Variants in PCDHGB2 observed in about 807,000 individuals in gnomAD.
PCDHGB2 encodes protocadherin gamma-B2.
PCDHGB2 carries 55 observed loss-of-function variants against 59.3 expected under a neutral mutation model. The observed-to-expected ratio is 0.93, with a 90% CI of 0.75 to 1.16. The LOEUF (loss-of-function observed/expected upper bound fraction) is 1.16. Ranked by LOEUF, PCDHGB2 falls within the 50% of genes most tolerant of loss-of-function variation. The pLI is 0.00. For synonymous variants in PCDHGB2, 516 were observed against 512.0 expected (o/e 1.01, Z -0.11); for missense variants, 1,228 against 1,198.5 (o/e 1.02, Z -0.36).
intron 1 of PCDHGB2, chr5:141,394,255 G>A (rs1321065161): frequency 6.2e-7 from 1 of 1,613,934 alleles, no homozygotes; most frequent in South Asian, 1.1e-5. Flanking sequence ...GACCCCGACA[G>A]CCAGGAGAAT....
intron 1 of PCDHGB2, chr5:141,372,265 G>C: frequency 1.5e-5 from 25 of 1,613,132 alleles, no homozygotes; most frequent in Non-Finnish European, 2.1e-5. Flanking sequence ...CTGCGCACGG[G>C]TGAGGTGCGC....
chr5:141,471,444 A>T (rs1366430114), intron 1 of PCDHGB2: 1 of 152,150 alleles, frequency 6.6e-6, no homozygotes, highest in Non-Finnish European at 1.5e-5. Flanking sequence ...AATCTCATGT[A>T]CCTTTTGAAA....
At chr5:141,391,788 G>GT (rs1373420883) in intron 1 of PCDHGB2, 2 of 152,132 alleles carry the variant, frequency 1.3e-5, no homozygotes, top group African/African-American at 2.4e-5. Flanking sequence ...ACTTTTTGCA[G>GT]TTTTTTAGAT....
chr5:141,489,165 G>T lies in PCDHGB2; in HGVS notation c.2422-5642G>T. ...GAAGGAGACATAAGAGACTTCAGCT[G>T]CTGCATTCCAAGCCCTGGGTCTACC... On this transcript the variant is annotated intron_variant, in intron 1 of 3. Coordinates refer to ENST00000522605, the MANE Select transcript of PCDHGB2 (RefSeq NM_018923.3). This position sits in a 1 kb window ranked among gnomAD's most constrained non-coding sequence, Gnocchi z 4.5. 9.2e-7 allele frequency: 1 copy of T among 1,082,084 alleles called. No homozygotes were observed. Among genetic ancestry groups the T allele is most frequent in the Non-Finnish European group, 1.3e-6 (1 of 745,856 alleles). 67.0% of individuals were successfully genotyped at this position (1,082,084 alleles called of 1,614,324 possible).
At chr5:141,480,698 C>T (rs1394538159) in intron 1 of PCDHGB2, among the ~76,000 whole-genome samples, 1 of 152,198 alleles carries the variant, frequency 6.6e-6, no homozygotes, top group Admixed American at 6.5e-5. Context: ...ACCCAGGCCA[C>T]ACCCCGACAA....
chr5:141,362,457 G>C lies in PCDHGB2; in HGVS notation c.2322G>C (p.Leu774Phe), dbSNP rs1290295372. The change falls in exon 1 of 4, where the codon TTG (leucine) becomes TTC (phenylalanine). Residue 774 changes from leucine (L) to phenylalanine (F), a missense_variant. Leu to Phe is a conservative substitution (Grantham distance 22). Transcript: ENST00000522605. Reference protein sequence around the residue: ...EFNFLNITPELVPAQDLVCDN... With the variant: ...EFNFLNITPEFVPAQDLVCDN... ...ATTTTCTGAACATAACCCCGGAATTGGTTCCCGCGCAAGATCTCGTCTGTG... is the reference window on the plus strand; with the variant it reads ...ATTTTCTGAACATAACCCCGGAATTCGTTCCCGCGCAAGATCTCGTCTGTG... 6.2e-7 allele frequency: 1 copy of C among 1,614,004 alleles called. No homozygotes were observed. Among genetic ancestry groups the C allele is most frequent in the South Asian group, 1.1e-5 (1 of 91,082 alleles).
At position 141,494,693 on chromosome 5, in the gene PCDHGB2, G is replaced by A. The variant is rs2099756182; in HGVS notation, c.2422-114G>A. The A allele has an allele frequency of 5.0e-6, 8 of 1,585,786 alleles. No individual in the cohort carries two copies. In the South Asian group the frequency reaches 6.8e-5, roughly 13 times the overall value. ...GTCCACCCCTGCCCCCTCTTAGTCC[G>A]TTTTCTTCTCTGTGCCCACTCCCCT... is the stretch of plus-strand genomic sequence containing the variant. On this transcript the variant is annotated intron_variant, in intron 1 of 3. Transcript: ENST00000522605.
At chr5:141,479,206 T>C (rs987807222) in intron 1 of PCDHGB2, 3 of 152,400 alleles carry the variant, frequency 2.0e-5, no homozygotes, top group African/African-American at 7.2e-5. Context: ...CAGAAAAGTA[T>C]TTAAAAAATT....
In PCDHGB2 at chr5:141,431,023, C is replaced by T. The variant is rs374655655; in HGVS notation, c.2422-63784C>T. 1 of 1,613,748 alleles carries T rather than the reference C, an allele frequency of 6.2e-7. No homozygotes were observed. On this transcript the variant is annotated intron_variant, in intron 1 of 3. Coordinates refer to ENST00000522605, the MANE Select transcript of PCDHGB2 (RefSeq NM_018923.3). This position sits in a 1 kb window ranked among gnomAD's most constrained non-coding sequence, Gnocchi z 4.8. Reference sequence around the variant, plus strand: ...GCAGCGGCAGCTTGGTCACGGCGGGCAGGATAGACCGGGAGGAGCTCTGTA... The same window carrying T: ...GCAGCGGCAGCTTGGTCACGGCGGGTAGGATAGACCGGGAGGAGCTCTGTA...
chr5:141,408,448 G>A, intron 1 of PCDHGB2: 4 of 1,614,054 alleles, frequency 2.5e-6, no homozygotes, highest in Non-Finnish European at 2.5e-6. Context: ...CGGAGAGCGG[G>A]GACTTACTTG....
chr5:141,479,679 T>A (rs1211872684), intron 1 of PCDHGB2: 1 of 152,258 alleles, frequency 6.6e-6, no homozygotes, highest in East Asian at 1.9e-4. Flanking sequence ...AAGGAGAGTC[T>A]TTTTGGTGCC....
In PCDHGB2 at chr5:141,486,036, G is replaced by A. The variant is rs773301300; in HGVS notation, c.2422-8771G>A. ...TATTTCAGTGGTCATACCCCTGATC[G>A]TGTAAGAAACCTCTTTAGCCTGCAC... On this transcript the variant is annotated intron_variant, in intron 1 of 3. Transcript: ENST00000522605. This position sits in a 1 kb window ranked among gnomAD's most constrained non-coding sequence, Gnocchi z 5.0. 2.5e-6 allele frequency: 4 copies of A among 1,614,048 alleles called. No individual in the cohort carries two copies. Among genetic ancestry groups the A allele is most frequent in the Admixed American group, 1.7e-5 (1 of 60,004 alleles).
At chr5:141,433,364 T>C (rs1246641841) in intron 1 of PCDHGB2, 1 of 524,614 alleles carries the variant, frequency 1.9e-6, no homozygotes, top group Admixed American at 3.5e-5. Context: ...TCTGCCTATC[T>C]ATCTATCTAT....
At chr5:141,472,022 T>C (rs949257396) in intron 1 of PCDHGB2, among the ~76,000 whole-genome samples, 1 of 152,176 alleles carries the variant, frequency 6.6e-6, no homozygotes, top group Non-Finnish European at 1.5e-5. Flanking sequence ...CTATATTGTA[T>C]GTAGAAAGCT....
At chr5:141,404,153 T>G in intron 1 of PCDHGB2, 1 of 1,613,010 alleles carries the variant, frequency 6.2e-7, no homozygotes, top group Non-Finnish European at 8.5e-7. Context: ...AGAAGAAGAT[T>G]ATTACAGATT....
At chr5:141,495,193 T>G (rs1471524188) in intron 2 of PCDHGB2, among the ~76,000 whole-genome samples, 2 of 152,192 alleles carry the variant, frequency 1.3e-5, no homozygotes, top group Non-Finnish European at 2.9e-5. Flanking sequence ...TCTATGCCCA[T>G]GTACTGCCTA....
chr5:141,419,402 T>G (rs2096376244), intron 1 of PCDHGB2: 1 of 1,613,378 alleles, frequency 6.2e-7, no homozygotes, highest in African/African-American at 1.3e-5. Flanking sequence ...CGGGGTGGTG[T>G]TCGCGCAGCG....
intron 2 of PCDHGB2, among the ~76,000 whole-genome samples, chr5:141,502,404 C>G (rs1270930372): frequency 6.6e-6 from 1 of 151,880 alleles, no homozygotes; most frequent in African/African-American, 2.4e-5. Context: ...TGTCCCCGAA[C>G]CTGGATTTGC....
In PCDHGB2 at chr5:141,476,316, G is replaced by A. The variant is rs536532455; in HGVS notation, c.2422-18491G>A. On this transcript the variant is annotated intron_variant, in intron 1 of 3. Coordinates refer to ENST00000522605, the MANE Select transcript of PCDHGB2 (RefSeq NM_018923.3). This position sits in a 1 kb window ranked among gnomAD's most constrained non-coding sequence, Gnocchi z 7.6. ...GGTAGCCTCTCAGCCCGCAGGTTCC[G>A]GGTGGTGTCTGGAGCTAGCCGAAGA... is the stretch of plus-strand genomic sequence containing the variant. The A allele has an allele frequency of 6.2e-7, 1 of 1,614,176 alleles. No individual in the cohort carries two copies. The highest frequency in any genetic ancestry group is 1.7e-5 in the Admixed American group (1 of 60,028).
Sources: allele counts gnomAD v4.1 joint callset (sites outside exome capture counted in the v4.1 genomes callset), GRCh38; gene constraint gnomAD v4.1.1; non-coding constraint Gnocchi (gnomAD v3.1); transcripts MANE v1.5; gene names NCBI Gene and HGNC (gene_info 2026-07-23, HGNC 2026-07-21).